IGF2BP1: variants seen among roughly 807,000 people sequenced by gnomAD.
IGF2BP1 encodes the protein insulin-like growth factor 2 mRNA-binding protein 1.
A neutral mutation model predicts 74.9 loss-of-function variants in IGF2BP1; 11 were observed. The observed-to-expected ratio is 0.15, with a 90% confidence interval of 0.09 to 0.24. IGF2BP1 has a LOEUF of 0.24. Among genes scored for constraint, IGF2BP1 ranks in the 10% least tolerant of loss-of-function variants. The probability of loss-of-function intolerance (pLI) is 1.00; values close to 1 mark genes in which losing one functional copy is unlikely to be tolerated. For synonymous variants in IGF2BP1, 287 were observed against 281.8 expected (o/e 1.02, Z -0.18); for missense variants, 440 against 757.4 (o/e 0.58, Z 4.92).
chr17:49,022,341 TA>T (rs2041802501), intron 2 of IGF2BP1, among the ~76,000 whole-genome samples: 1 of 152,196 alleles, frequency 6.6e-6, no homozygotes. Flanking sequence ...GGTAGCACCA[TA>T]TTTAATAGAA....
At chr17:49,025,568 C>G (rs1200421929) in intron 2 of IGF2BP1, 50 bp from the exon 3 acceptor site, 1 of 1,541,618 alleles carries the variant, frequency 6.5e-7, no homozygotes, top group East Asian at 2.2e-5. Context: ...GTTCACAGAC[C>G]CCTAATGTAT....
rs139948817 is a variant in IGF2BP1 at position 49,051,775 on chromosome 17, C to T, written c.*2331C>T. 7.1e-4 allele frequency: 108 copies of T among 152,172 alleles called. 1 individual carries two copies. The East Asian group carries it at 0.019, about 27-fold the overall frequency. The allele number at this position is 152,172 out of a possible 1,614,324, so 9.4% of individuals were successfully genotyped here. ...TGAGATTCCGTTCGTGGAAAAAAGACAAGGCCACCCTCTCGCCCTCAGAGA... is the reference window on the plus strand; with the variant it reads ...TGAGATTCCGTTCGTGGAAAAAAGATAAGGCCACCCTCTCGCCCTCAGAGA... On this transcript the variant is annotated 3_prime_UTR_variant, in exon 15 of 15. Coordinates refer to ENST00000290341, the MANE Select transcript of IGF2BP1 (RefSeq NM_006546.4).
At position 49,054,916 on chromosome 17, in the gene IGF2BP1, T is replaced by C. The variant is rs1166714436; in HGVS notation, c.*5472T>C. 3 of 152,510 alleles carry C rather than the reference T, an allele frequency of 2.0e-5. No individual in the cohort carries two copies. Among genetic ancestry groups the C allele is most frequent in the Admixed American group, 1.3e-4 (2 of 15,262 alleles). The allele number at this position is 152,510 out of a possible 1,614,324, so 9.4% of individuals were successfully genotyped here. A position where few individuals can be genotyped will look rare whatever the true frequency, so the allele number is the denominator to read the frequency against. On this transcript the variant is annotated 3_prime_UTR_variant, in exon 15 of 15. Transcript: ENST00000290341. ...GTCCTTGGACTCATTCAGGCCGTCT[T>C]TGTAGTTGGGGGAGTTCCACTGGGC... is the stretch of plus-strand genomic sequence containing the variant.
In IGF2BP1 at chr17:49,032,014, G is replaced by T. The variant is rs756531551; in HGVS notation, c.401+41G>T. 15 of 1,509,078 alleles carry T rather than the reference G, an allele frequency of 9.9e-6. No homozygotes were observed. In the South Asian group the frequency reaches 1.2e-4, roughly 12 times the overall value. The allele number at this position is 1,509,078 out of a possible 1,614,324, so 93.5% of individuals were successfully genotyped here. ...AGTGGGGCTGGGTGCGGTGGGGGGG[G>T]GTTCTGTGAAGGGTGGTGTGAGCCT... On this transcript the variant is annotated intron_variant, in intron 5 of 14. Coordinates refer to ENST00000290341, the MANE Select transcript of IGF2BP1 (RefSeq NM_006546.4).
intron 2 of IGF2BP1, among the ~76,000 whole-genome samples, chr17:49,008,179 A>G (rs535370293): frequency 6.6e-6 from 1 of 152,100 alleles, no homozygotes; most frequent in Non-Finnish European, 1.5e-5. Flanking sequence ...TCTCAAAAAA[A>G]AAAAAAAAAG....
At position 49,000,883 on chromosome 17, in the gene IGF2BP1, A is replaced by G. The variant is rs1429780803; in HGVS notation, c.236+1714A>G. ...TAGGCCCTTTTTCCCTCCAAAATGC[A>G]TTACTGAGGGCTCTTTTTTGAGTTG... On this transcript the variant is annotated intron_variant, in intron 2 of 14. Transcript: ENST00000290341. Among the ~76,000 whole-genome samples, 6 of 151,400 alleles carry G rather than the reference A, an allele frequency of 4.0e-5. No individual in the cohort carries two copies. In the East Asian group the frequency reaches 1.2e-3, roughly 29 times the overall value.
In IGF2BP1 at chr17:49,011,153, A is replaced by C. The variant is rs1304251517; in HGVS notation, c.236+11984A>C. Among the ~76,000 whole-genome samples, 42 of 149,810 alleles carry C rather than the reference A, an allele frequency of 2.8e-4. 1 individual carries two copies. Among genetic ancestry groups the C allele is most frequent in the South Asian group, 2.1e-3 (10 of 4,754 alleles). On this transcript the variant is annotated intron_variant, in intron 2 of 14. Coordinates refer to ENST00000290341, the MANE Select transcript of IGF2BP1 (RefSeq NM_006546.4). ...ACTCTGTCTCAAAAAAAAAAAAAAA[A>C]AAAAAAAAAAAAAACAAACCCTAAA... is the stretch of plus-strand genomic sequence containing the variant.
chr17:49,053,605 TGGCAGACG>T lies in IGF2BP1; in HGVS notation c.*4167_*4174del, dbSNP rs1368367213. ...AGCACTGCCGAGTTCCCTTCAGGCC[TGGCAGACG>T]GGCAGTGAGGAGGGGCCTCAGTTAG... is the stretch of plus-strand genomic sequence containing the variant. On this transcript the variant is annotated 3_prime_UTR_variant, in exon 15 of 15. Transcript: ENST00000290341. 1 of 152,758 alleles carries T rather than the reference TGGCAGACG, an allele frequency of 6.5e-6. No individual in the cohort carries two copies. Among genetic ancestry groups the T allele is most frequent in the East Asian group, 1.9e-4 (1 of 5,200 alleles). 9.5% of individuals were successfully genotyped at this position (152,758 alleles called of 1,614,324 possible).
rs1288802161 is a variant in IGF2BP1, at chr17:48,997,606, G to A, written c.-140G>A. 4 of 898,812 alleles carry A rather than the reference G, an allele frequency of 4.5e-6. No individual in the cohort carries two copies. The highest frequency in any genetic ancestry group is 5.0e-6 in the Non-Finnish European group (3 of 602,902). 55.7% of individuals were successfully genotyped at this position (898,812 alleles called of 1,614,324 possible). ...GGCCGCCTTCCCCGCCCTGGGCTCG[G>A]GACAACTTCTGGGGTGGGGTGCAAA... On this transcript the variant is annotated 5_prime_UTR_variant, in exon 1 of 15. Coordinates refer to ENST00000290341, the MANE Select transcript of IGF2BP1 (RefSeq NM_006546.4). The surrounding 1 kb of genome is among the most constrained non-coding windows in gnomAD (Gnocchi z 4.8).
intron 5 of IGF2BP1, among the ~76,000 whole-genome samples, chr17:49,033,019 GT>G (rs56307702): frequency 6.6e-6 from 1 of 152,166 alleles, no homozygotes; most frequent in African/African-American, 2.4e-5. Flanking sequence ...GTTTCACCAT[GT>G]TGCCCAAGCT....
At chr17:49,038,519 C>T in intron 6 of IGF2BP1, 70 bp downstream of exon 6, 1 of 1,370,352 alleles carries the variant, frequency 7.3e-7, no homozygotes, top group Admixed American at 3.4e-5. Flanking sequence ...AAGAGGCCTC[C>T]TGGAAGCATG....
At chr17:49,047,809 G>T (rs2042121785) in intron 14 of IGF2BP1, among the ~76,000 whole-genome samples, 1 of 151,734 alleles carries the variant, frequency 6.6e-6, no homozygotes, top group Admixed American at 6.6e-5. Flanking sequence ...TACCTCCCAG[G>T]CTCAAGTGAT....
chr17:49,008,185 A>AG (rs1302928610), intron 2 of IGF2BP1, among the ~76,000 whole-genome samples: 102 of 152,122 alleles, frequency 6.7e-4, no homozygotes, highest in African/African-American at 2.3e-3. Flanking sequence ...AAAAAAAAAA[A>AG]AAAGTAAATA....
At chr17:49,024,268 T>G (rs1229521245) in intron 2 of IGF2BP1, among the ~76,000 whole-genome samples, 1 of 151,870 alleles carries the variant, frequency 6.6e-6, no homozygotes, top group Non-Finnish European at 1.5e-5. Context: ...AGAAATTACC[T>G]GGGCATAGTG....
intron 2 of IGF2BP1, among the ~76,000 whole-genome samples, chr17:49,019,850 C>CCTCCCAT (rs1229010496): frequency 7.2e-6 from 1 of 138,100 alleles, no homozygotes; most frequent in African/African-American, 2.7e-5. Context: ...CCCAGGTGAT[C>CCTCCCAT]CTCCCATCTC....
At chr17:49,034,747 C>CA (rs754988533) in intron 5 of IGF2BP1, among the ~76,000 whole-genome samples, 12,498 of 73,412 alleles carry the variant, frequency 0.17, 652 homozygotes, top group Non-Finnish European at 0.21. Context: ...AAAAAAAACA[C>CA]AAAAAAAACA....
intron 2 of IGF2BP1, among the ~76,000 whole-genome samples, chr17:49,018,680 C>T (rs901816420): frequency 4.6e-5 from 7 of 151,574 alleles, no homozygotes; most frequent in Non-Finnish European, 1.0e-4. Context: ...AAGTTAAGAA[C>T]CAGTTATTCA....
chr17:49,007,222 T>G (rs943328347), intron 2 of IGF2BP1, among the ~76,000 whole-genome samples: 2 of 152,154 alleles, frequency 1.3e-5, no homozygotes, highest in African/African-American at 4.8e-5. Flanking sequence ...GCTAACAAAG[T>G]AGGCATTCAG....
chr17:49,004,070 C>G (rs890769260), intron 2 of IGF2BP1, among the ~76,000 whole-genome samples: 1 of 152,098 alleles, frequency 6.6e-6, no homozygotes, highest in Admixed American at 6.6e-5. Context: ...CCGCCCGCCC[C>G]CGCGCCAGTC....
Sources: allele counts gnomAD v4.1 joint callset (sites outside exome capture counted in the v4.1 genomes callset), GRCh38; gene constraint gnomAD v4.1.1; non-coding constraint Gnocchi (gnomAD v3.1); transcripts MANE v1.5; gene names NCBI Gene and HGNC (gene_info 2026-07-23, HGNC 2026-07-21).